Variants in RSPO2 observed in about 807,000 individuals in gnomAD.
RSPO2 encodes R-spondin 2, also known as R-spondin-2.
A neutral mutation model predicts 30.9 loss-of-function variants in RSPO2; 14 were observed. The ratio of observed to expected loss-of-function variants is 0.45; its 90% CI spans 0.30 to 0.71. The LOEUF is 0.71. RSPO2 is among the 30% of genes least tolerant of loss of function. The pLI is 0.08. For missense variants in RSPO2, 264 were observed against 301.9 expected, an observed-to-expected ratio of 0.87 and a Z score of 0.93; for synonymous variants, 107 against 96.4, an observed-to-expected ratio of 1.11 and a Z score of -0.64.
intron 2 of RSPO2, among the ~76,000 whole-genome samples, chr8:108,011,445 G>A (rs1425896256): frequency 3.9e-5 from 6 of 152,122 alleles, no homozygotes; most frequent in South Asian, 4.1e-4. Context: ...CTTCATAAAC[G>A]TCTTGCAATG....
intron 2 of RSPO2, among the ~76,000 whole-genome samples, chr8:107,992,302 A>T (rs1182797107): frequency 1.3e-5 from 2 of 152,094 alleles, no homozygotes; most frequent in Admixed American, 6.6e-5. Flanking sequence ...ACTAACACAG[A>T]AACAGAAAAC....
chr8:108,081,845 G>A (rs1813208809), intron 2 of RSPO2: 1 of 940,656 alleles, frequency 1.1e-6, no homozygotes, highest in African/African-American at 1.8e-5. Context: ...AGAGCGAAGT[G>A]GGGCCTGTTT....
intron 5 of RSPO2, among the ~76,000 whole-genome samples, chr8:107,930,905 GACTTGCTAA>G (rs1812534367): frequency 6.6e-6 from 1 of 152,210 alleles, no homozygotes. Context: ...TTACTTAACT[GACTTGCTAA>G]ACTATCAAGC....
intron 5 of RSPO2, among the ~76,000 whole-genome samples, chr8:107,921,077 T>C (rs1284025125): frequency 1.3e-5 from 2 of 152,090 alleles, no homozygotes; most frequent in Admixed American, 6.6e-5. Flanking sequence ...CAGATTTATG[T>C]ATATAATTAG....
intron 5 of RSPO2, among the ~76,000 whole-genome samples, chr8:107,957,743 C>CA (rs1164650657): frequency 6.6e-6 from 1 of 152,174 alleles, no homozygotes; most frequent in Non-Finnish European, 1.5e-5. Context: ...CTCAGAGCAA[C>CA]ATCTGCGAAG....
At chr8:108,003,311 ATTTTTTTTTTTTT>A (rs869040336) in intron 2 of RSPO2, among the ~76,000 whole-genome samples, 16 of 29,030 alleles carry the variant, frequency 5.5e-4, no homozygotes, top group South Asian at 1.8e-3. Context: ...ATATATATAT[ATTTTTTTTTTTTT>A]TTTTTTTTTT....
At chr8:108,069,664 G>T (rs1377334300) in intron 2 of RSPO2, among the ~76,000 whole-genome samples, 1 of 152,106 alleles carries the variant, frequency 6.6e-6, no homozygotes, top group Non-Finnish European at 1.5e-5. Context: ...GCAAAAGTGT[G>T]GTTAGCCTAC....
At chr8:107,922,196 A>G (rs1812195654) in intron 5 of RSPO2, among the ~76,000 whole-genome samples, 1 of 149,996 alleles carries the variant, frequency 6.7e-6, no homozygotes, top group Admixed American at 6.8e-5. Flanking sequence ...CTATACCTAG[A>G]AAACCCCACA....
chr8:107,980,261 C>G (rs569537656), intron 3 of RSPO2, among the ~76,000 whole-genome samples: 52 of 152,176 alleles, frequency 3.4e-4, no homozygotes, highest in Admixed American at 1.1e-3. Flanking sequence ...TTGGCCCTGC[C>G]TAGTATATCA....
intron 5 of RSPO2, among the ~76,000 whole-genome samples, chr8:107,921,348 C>T (rs1812164815): frequency 6.6e-6 from 1 of 151,780 alleles, no homozygotes; most frequent in Admixed American, 6.6e-5. Flanking sequence ...AAAATTTACT[C>T]TTCCATTGTG....
chr8:108,075,402 AC>A, intron 2 of RSPO2, among the ~76,000 whole-genome samples: 1 of 151,652 alleles, frequency 6.6e-6, no homozygotes, highest in Non-Finnish European at 1.5e-5. Context: ...AATCACTTGG[AC>A]CCAGGAGGTG....
intron 2 of RSPO2, among the ~76,000 whole-genome samples, chr8:108,077,711 T>C (rs1429549206): frequency 1.3e-5 from 2 of 152,198 alleles, no homozygotes; most frequent in Non-Finnish European, 2.9e-5. Context: ...TAGTATTAAT[T>C]AGCATGTTTT....
chr8:108,032,351 CT>C (rs1444434786), intron 2 of RSPO2, among the ~76,000 whole-genome samples: 17 of 152,138 alleles, frequency 1.1e-4, no homozygotes, highest in Non-Finnish European at 1.6e-4. Context: ...AAATGATGAA[CT>C]CCTTGAGAGC....
At chr8:108,032,845 G>T (rs1429151157) in intron 2 of RSPO2, among the ~76,000 whole-genome samples, 2 of 151,668 alleles carry the variant, frequency 1.3e-5, no homozygotes, top group African/African-American at 4.8e-5. Context: ...GGATCACAAG[G>T]TCAGGAGATC....
chr8:108,011,313 A>G (rs1810705310), intron 2 of RSPO2, among the ~76,000 whole-genome samples: 1 of 152,016 alleles, frequency 6.6e-6, no homozygotes, highest in South Asian at 2.1e-4. Context: ...CTAACCTTTT[A>G]CATACACACA....
intron 3 of RSPO2, among the ~76,000 whole-genome samples, chr8:107,974,323 C>CAA (rs747026899): frequency 5.7e-4 from 48 of 83,542 alleles, no homozygotes; most frequent in African/African-American, 1.4e-3. Context: ...TTCATCTCTA[C>CAA]AAAAAAAAAA....
intron 2 of RSPO2, among the ~76,000 whole-genome samples, chr8:108,056,623 C>CAAAAAAAAAAAAAA (rs56256415): frequency 1.4e-5 from 1 of 71,840 alleles, no homozygotes; most frequent in Non-Finnish European, 2.6e-5. Context: ...AGACCCGTCT[C>CAAAAAAAAAAAAAA]AAAAAAAAAA....
At chr8:107,952,484 C>A (rs1240234750) in intron 5 of RSPO2, among the ~76,000 whole-genome samples, 1 of 152,116 alleles carries the variant, frequency 6.6e-6, no homozygotes, top group Non-Finnish European at 1.5e-5. Flanking sequence ...CTCTTCTTCA[C>A]ATAAAAATTT....
intron 5 of RSPO2, among the ~76,000 whole-genome samples, chr8:107,954,465 G>A (rs936410312): frequency 1.3e-5 from 2 of 152,180 alleles, no homozygotes; most frequent in African/African-American, 4.8e-5. Flanking sequence ...CAGGGAGAGG[G>A]CAAAGGGAGT....
Sources: gnomAD v4.1 joint callset for allele counts (sites outside exome capture counted in the v4.1 genomes callset) on GRCh38, gnomAD v4.1.1 for gene constraint, MANE v1.5 for transcripts, NCBI Gene and HGNC (gene_info 2026-07-23, HGNC 2026-07-21) for gene names.